The following MAPK8 variants were observed in gnomAD, a reference collection of about 807,000 sequenced individuals.
The protein encoded by MAPK8 is mitogen-activated protein kinase 8.
In MAPK8, 13 loss-of-function variants were observed where a neutral mutation model predicts 52.9. The ratio of observed to expected loss-of-function variants is 0.25; its 90% CI spans 0.16 to 0.39. The LOEUF (loss-of-function observed/expected upper bound fraction) is 0.39, where lower values mean the gene tolerates loss of function less well. MAPK8 is among the 10% of genes least tolerant of loss of function. MAPK8 has a pLI of 1.00. For synonymous variants in MAPK8, 191 were observed against 169.8 expected (o/e 1.12, Z -0.97); for missense variants, 300 against 519.2 (o/e 0.58, Z 4.10).
At chr10:48,385,965 TA>T (rs895053657) in intron 1 of MAPK8, among the ~76,000 whole-genome samples, 3 of 151,368 alleles carry the variant, frequency 2.0e-5, no homozygotes, top group African/African-American at 2.4e-5. Flanking sequence ...TACCTAGCGT[TA>T]AAAAAAAATC....
chr10:48,403,484 A>G (rs552378170), intron 2 of MAPK8, among the ~76,000 whole-genome samples: 20 of 152,052 alleles, frequency 1.3e-4, no homozygotes, highest in Non-Finnish European at 2.4e-4. Flanking sequence ...CAGAGCAATT[A>G]TGGTAACGTA....
At chr10:48,329,636 CT>C (rs1402676077) in intron 1 of MAPK8, among the ~76,000 whole-genome samples, 5 of 152,046 alleles carry the variant, frequency 3.3e-5, no homozygotes, top group Admixed American at 1.3e-4. Context: ...ATGTGTGTAA[CT>C]GTTTTATTGG....
chr10:48,413,816 T>TTTATATATATAC (rs1564603822), intron 5 of MAPK8, among the ~76,000 whole-genome samples: 7 of 7,322 alleles, frequency 9.6e-4, no homozygotes, highest in African/African-American at 3.1e-3. Context: ...CCAGAATTGT[T>TTTATATATATAC]ATATATATAT....
chr10:48,404,744 GTTAC>G (rs2042368852), intron 2 of MAPK8, 104 bp from the exon 3 acceptor site: 1 of 782,558 alleles, frequency 1.3e-6, no homozygotes, highest in African/African-American at 1.7e-5. Flanking sequence ...AAGGGATCCA[GTTAC>G]TTGTCTTTGG....
intron 5 of MAPK8, among the ~76,000 whole-genome samples, chr10:48,412,660 C>T (rs1472353422): frequency 6.6e-6 from 1 of 152,160 alleles, no homozygotes; most frequent in Non-Finnish European, 1.5e-5. Context: ...TAACCTTGGA[C>T]CAGGGTCCCA....
Position 48,431,202 on chromosome 10 carries a change from A to T in MAPK8, c.1070A>T (p.Tyr357Phe). 6.2e-7 allele frequency: 1 copy of T among 1,604,658 alleles called. No homozygotes were observed. Among genetic ancestry groups the T allele is most frequent in the Non-Finnish European group, 8.5e-7 (1 of 1,171,490 alleles). ...TTTACTTCTTTTACAGAATTGATAT[A>T]TAAGGAAGTTATGGACTTGGAGGAG... ...HTIEEWKELI[Y>F]KEVMDLEERT... Residue 357 changes from tyrosine to phenylalanine, a missense_variant, in exon 11 of 12, where the codon TAT (tyrosine) becomes TTT (phenylalanine). Tyr to Phe is a conservative substitution (Grantham distance 22). Around this residue, in one of 3 missense-constraint regions of MAPK8, gnomAD observed 119 missense variants for 154.4 expected, o/e 0.77. Coordinates refer to ENST00000374189, the MANE Select transcript of MAPK8 (RefSeq NM_001323329.2).
intron 1 of MAPK8, among the ~76,000 whole-genome samples, chr10:48,373,867 G>C (rs2040486127): frequency 6.6e-6 from 1 of 152,040 alleles, no homozygotes; most frequent in Non-Finnish European, 1.5e-5. Flanking sequence ...ACGATATCCA[G>C]GAGTTGAACT....
chr10:48,436,183 A>G lies in MAPK8; in HGVS notation c.*1154A>G, dbSNP rs925826117. The G allele has an allele frequency of 6.6e-6, 1 of 152,228 alleles. No individual in the cohort carries two copies. Among genetic ancestry groups the G allele is most frequent in the Non-Finnish European group, 1.5e-5 (1 of 68,040 alleles). The allele number at this position is 152,228 out of a possible 1,614,324, so 9.4% of individuals were successfully genotyped here. A position where few individuals can be genotyped will look rare whatever the true frequency, so the allele number is the denominator to read the frequency against. On this transcript the variant is annotated 3_prime_UTR_variant, in exon 12 of 12. Transcript: ENST00000374189. ...TGAAAATAGTAGCACACAGCCATAT[A>G]TAGGATATCATTTTCTAAGGACTGT...
At chr10:48,380,222 A>G (rs1018314483) in intron 1 of MAPK8, among the ~76,000 whole-genome samples, 7 of 152,160 alleles carry the variant, frequency 4.6e-5, no homozygotes, top group Non-Finnish European at 1.0e-4. Context: ...ACCCTGGGCA[A>G]CAGAGCGAGA....
In MAPK8 at chr10:48,375,185, A is replaced by G. The variant is rs144110729; in HGVS notation, c.-49-26427A>G. On this transcript the variant is annotated intron_variant, in intron 1 of 11. Coordinates refer to ENST00000374189, the MANE Select transcript of MAPK8 (RefSeq NM_001323329.2). ...GCAGAAAAGGCCTTTGACAAAATTC[A>G]GCAGCCCCTCATGCTAAATACTCTC... is the stretch of plus-strand genomic sequence containing the variant. Among the ~76,000 whole-genome samples the G allele has an allele frequency of 1.4e-3, 216 of 152,358 alleles. 1 individual carries two copies. The highest frequency in any genetic ancestry group is 1.8e-3 in the Non-Finnish European group (125 of 68,036).
At chr10:48,405,415 C>G (rs1420083955) in intron 3 of MAPK8, among the ~76,000 whole-genome samples, 2 of 152,158 alleles carry the variant, frequency 1.3e-5, no homozygotes, top group Non-Finnish European at 2.9e-5. Flanking sequence ...CTCCCTACCC[C>G]ACTCCCACCT....
intron 1 of MAPK8, among the ~76,000 whole-genome samples, chr10:48,335,033 C>T (rs1461781848): frequency 6.6e-6 from 1 of 152,186 alleles, no homozygotes; most frequent in Non-Finnish European, 1.5e-5. Flanking sequence ...TTTTCCCTTT[C>T]ATGGGCTGAC....
intron 1 of MAPK8, 60 bp from the exon 2 acceptor site, chr10:48,401,552 C>G: frequency 8.3e-7 from 1 of 1,206,514 alleles, no homozygotes; most frequent in Non-Finnish European, 1.2e-6. Flanking sequence ...AGTAAGGACT[C>G]AAATTTTAAG....
At chr10:48,307,086 C>G (rs968149430) in intron 1 of MAPK8, 3 of 152,394 alleles carry the variant, frequency 2.0e-5, no homozygotes, top group Non-Finnish European at 2.9e-5. Context: ...CCCGCCTGTC[C>G]TCTCGCGTCC....
At chr10:48,338,024 A>G (rs1489083547) in intron 1 of MAPK8, among the ~76,000 whole-genome samples, 1 of 152,156 alleles carries the variant, frequency 6.6e-6, no homozygotes, top group African/African-American at 2.4e-5. Context: ...TGTTGGTAGA[A>G]GAGCTGATAC....
intron 1 of MAPK8, among the ~76,000 whole-genome samples, chr10:48,323,937 C>T (rs183965632): frequency 9.9e-4 from 151 of 152,246 alleles, no homozygotes; most frequent in African/African-American, 3.4e-3. Context: ...TCAGTAGAAT[C>T]GGCTATTACT....
chr10:48,333,300 A>G (rs538683261), intron 1 of MAPK8, among the ~76,000 whole-genome samples: 2 of 152,330 alleles, frequency 1.3e-5, no homozygotes, highest in East Asian at 1.9e-4. Context: ...TTGATTTAAT[A>G]TATTCCTGAC....
chr10:48,310,461 A>G (rs190991957), intron 1 of MAPK8, among the ~76,000 whole-genome samples: 51 of 152,324 alleles, frequency 3.3e-4, no homozygotes, highest in African/African-American at 1.2e-3. Flanking sequence ...AGGCTTCACC[A>G]TAAGCTAGAG....
At chr10:48,402,160 G>C (rs1443721157) in intron 2 of MAPK8, among the ~76,000 whole-genome samples, 2 of 152,136 alleles carry the variant, frequency 1.3e-5, no homozygotes, top group African/African-American at 4.8e-5. Flanking sequence ...TCAGATTTGG[G>C]ATAATAACCT....
Sources: gnomAD v4.1 joint callset for allele counts (sites outside exome capture counted in the v4.1 genomes callset) on GRCh38, gnomAD v4.1.1 for gene constraint, gnomAD v4.1.1 regional missense constraint, MANE v1.5 for transcripts, NCBI Gene and HGNC (gene_info 2026-07-23, HGNC 2026-07-21) for gene names.